KCNMA1: variants seen among roughly 807,000 people sequenced by gnomAD.
KCNMA1 encodes potassium calcium-activated channel subfamily M alpha 1.
KCNMA1 carries 29 observed loss-of-function variants against 140.0 expected under a neutral mutation model. The ratio of observed to expected loss-of-function variants is 0.21; its 90% CI spans 0.15 to 0.28. The LOEUF (loss-of-function observed/expected upper bound fraction) is 0.28, where lower values mean the gene tolerates loss of function less well. KCNMA1 is among the 10% of genes least tolerant of loss of function. KCNMA1 has a pLI of 1.00. For missense variants in KCNMA1, 880 were observed against 1,602.2 expected (o/e 0.55, Z 7.70); for synonymous variants, 612 against 611.9 (o/e 1.00, Z 0.00).
At chr10:77,532,664 T>C (rs990727142) in intron 1 of KCNMA1, among the ~76,000 whole-genome samples, 1 of 152,238 alleles carries the variant, frequency 6.6e-6, no homozygotes, top group African/African-American at 2.4e-5. Context: ...TAGGTTTGTT[T>C]CCATGGGGGA....
chr10:77,237,579 T>C (rs1180475338), intron 3 of KCNMA1, among the ~76,000 whole-genome samples: 1 of 152,112 alleles, frequency 6.6e-6, no homozygotes, highest in Non-Finnish European at 1.5e-5. Context: ...CACCTCAGGC[T>C]CTTGAGTAGC....
At chr10:76,957,225 A>C (rs1370130345) in intron 20 of KCNMA1, among the ~76,000 whole-genome samples, 1 of 151,794 alleles carries the variant, frequency 6.6e-6, no homozygotes, top group Non-Finnish European at 1.5e-5. Context: ...ACTAATAGCC[A>C]GTAGGACCCA....
intron 2 of KCNMA1, among the ~76,000 whole-genome samples, chr10:77,312,431 G>T (rs1243063770): frequency 2.0e-5 from 3 of 152,180 alleles, no homozygotes; most frequent in African/African-American, 7.2e-5. Flanking sequence ...TTCGAGACCA[G>T]CCTGGCCAAC....
At position 77,586,072 on chromosome 10, in the gene KCNMA1, T is replaced by C. The variant is rs140905588; in HGVS notation, c.378+51193A>G. On this transcript the variant is annotated intron_variant, in intron 1 of 27. Coordinates refer to ENST00000286628, the MANE Select transcript of KCNMA1 (RefSeq NM_001161352.2). ...CAAACTTTTATCAACATGCATTTTC[T>C]GTTCCCGGTATATAATAAAGGGTCC... Among the ~76,000 whole-genome samples the C allele has an allele frequency of 2.0e-3, 298 of 152,356 alleles. 1 individual carries two copies. The highest frequency in any genetic ancestry group is 6.2e-3 in the African/African-American group (258 of 41,580).
chr10:77,389,651 C>G (rs549959276), intron 2 of KCNMA1, among the ~76,000 whole-genome samples: 2 of 152,252 alleles, frequency 1.3e-5, no homozygotes, highest in African/African-American at 4.8e-5. Flanking sequence ...AAAGAGAGCT[C>G]CATGGCTGAA....
intron 1 of KCNMA1, among the ~76,000 whole-genome samples, chr10:77,509,145 G>C (rs546250407): frequency 6.7e-6 from 1 of 148,982 alleles, no homozygotes; most frequent in South Asian, 2.1e-4. Context: ...TTGTTTGACA[G>C]AGTATCACTC....
intron 14 of KCNMA1, among the ~76,000 whole-genome samples, chr10:77,059,954 A>AT (rs1414801264): frequency 1.3e-5 from 2 of 152,166 alleles, no homozygotes; most frequent in Non-Finnish European, 2.9e-5. Context: ...TTTTTTTAAG[A>AT]TGTCATTTAT....
rs1285704622 is a variant in KCNMA1 at position 77,568,376 on chromosome 10, C to T, written c.378+68889G>A. 7.2e-5 allele frequency among the ~76,000 whole-genome samples: 11 copies of T among 152,318 alleles called. No individual in the cohort carries two copies. The South Asian group carries it at 1.5e-3, about 20-fold the overall frequency. ...CCGAATCCAGCAGCACATCAAAAAG[C>T]TTATCCACCATGATCAAGTCGGCTT... is the stretch of plus-strand genomic sequence containing the variant. On this transcript the variant is annotated intron_variant, in intron 1 of 27. Transcript: ENST00000286628.
intron 1 of KCNMA1, among the ~76,000 whole-genome samples, chr10:77,554,017 G>C (rs891783533): frequency 6.6e-6 from 1 of 151,684 alleles, no homozygotes; most frequent in Admixed American, 6.6e-5. Context: ...CTGTGGCTAC[G>C]ATGGGCAGCT....
At chr10:77,211,439 T>C (rs1003575415) in intron 3 of KCNMA1, among the ~76,000 whole-genome samples, 3 of 152,168 alleles carry the variant, frequency 2.0e-5, no homozygotes, top group Admixed American at 6.6e-5. Flanking sequence ...CCTTTCACCA[T>C]GTACAAAAAT....
intron 5 of KCNMA1, among the ~76,000 whole-genome samples, chr10:77,136,555 C>T (rs2098034276): frequency 6.8e-6 from 1 of 147,512 alleles, no homozygotes; most frequent in African/African-American, 2.5e-5. Context: ...ATGTGTTTTT[C>T]ACCACAATTT....
At chr10:77,089,530 G>A (rs2096767538) in intron 10 of KCNMA1, among the ~76,000 whole-genome samples, 1 of 152,126 alleles carries the variant, frequency 6.6e-6, no homozygotes, top group Non-Finnish European at 1.5e-5. Flanking sequence ...CCTCAACATT[G>A]GGTAGAAGGG....
At chr10:77,327,319 A>C (rs1295685275) in intron 2 of KCNMA1, among the ~76,000 whole-genome samples, 1 of 151,260 alleles carries the variant, frequency 6.6e-6, no homozygotes, top group Non-Finnish European at 1.5e-5. Context: ...GAGGAGACTG[A>C]GCACCATATC....
intron 2 of KCNMA1, among the ~76,000 whole-genome samples, chr10:77,367,133 G>A (rs2094416015): frequency 6.6e-6 from 1 of 152,168 alleles, no homozygotes; most frequent in Non-Finnish European, 1.5e-5. Flanking sequence ...CAGGGTCGGG[G>A]ATGGCTTCCC....
chr10:77,377,259 G>A (rs1046250935), intron 2 of KCNMA1, among the ~76,000 whole-genome samples: 2 of 152,150 alleles, frequency 1.3e-5, no homozygotes, highest in African/African-American at 4.8e-5. Context: ...TCAGCCCACA[G>A]GAGAACAGCA....
intron 23 of KCNMA1, among the ~76,000 whole-genome samples, chr10:76,933,290 A>G (rs2059719029): frequency 6.6e-6 from 1 of 152,182 alleles, no homozygotes; most frequent in African/African-American, 2.4e-5. Context: ...CCCCTCCACA[A>G]ACCTCTACTG....
chr10:77,507,596 G>A (rs545714528), intron 1 of KCNMA1, among the ~76,000 whole-genome samples: 12 of 152,214 alleles, frequency 7.9e-5, no homozygotes, highest in Non-Finnish European at 5.9e-5. Context: ...GTGCTCTAAC[G>A]AGGTGCCCAT....
chr10:77,121,214 TG>T lies in KCNMA1; in HGVS notation c.809-167del, dbSNP rs369509792. Among the ~76,000 whole-genome samples the T allele has an allele frequency of 9.1e-4, 138 of 152,352 alleles. 3 individuals carry two copies. In the South Asian group the frequency reaches 0.027, roughly 30 times the overall value. On this transcript the variant is annotated intron_variant, in intron 5 of 27. Coordinates refer to ENST00000286628, the MANE Select transcript of KCNMA1 (RefSeq NM_001161352.2). ...ATATTCCTTCATTCTGATTCTTGAC[TG>T]GTTTAATCTCGACTGGGAAATGGAC...
intron 1 of KCNMA1, chr10:77,636,269 C>A (rs1485788597): frequency 6.2e-6 from 9 of 1,447,270 alleles, no homozygotes; most frequent in Admixed American, 2.6e-5. Flanking sequence ...CAGCCAGTGG[C>A]TGTGGGGAAG....
Sources: gnomAD v4.1 joint callset for allele counts (sites outside exome capture counted in the v4.1 genomes callset) on GRCh38, gnomAD v4.1.1 for gene constraint, MANE v1.5 for transcripts, NCBI Gene and HGNC (gene_info 2026-07-23, HGNC 2026-07-21) for gene names.